TLL2: variants seen among roughly 807,000 people sequenced by gnomAD.
TLL2 encodes tolloid like 2.
TLL2 carries 106 observed loss-of-function variants against 123.0 expected under a neutral mutation model. The observed-to-expected ratio is 0.86, with a 90% CI of 0.74 to 1.01. TLL2 has a LOEUF of 1.01. TLL2 is among the 50% of genes least tolerant of loss of function. The pLI is 0.00. For synonymous variants in TLL2, 494 were observed against 516.8 expected, an observed-to-expected ratio of 0.96 and a Z score of 0.60; for missense variants, 1,332 against 1,336.7, an observed-to-expected ratio of 1.00 and a Z score of 0.06.
chr10:96,438,514 T>A (rs1846819785), intron 3 of TLL2, among the ~76,000 whole-genome samples: 2 of 152,244 alleles, frequency 1.3e-5, no homozygotes, highest in Non-Finnish European at 2.9e-5. Flanking sequence ...TTGAACTCAT[T>A]GATTGGTTCT....
rs57395382 is a variant in TLL2, at chr10:96,380,692, C to CA, written c.2195-1601dup. Among the ~76,000 whole-genome samples, 245 of 53,100 alleles carry CA rather than the reference C, an allele frequency of 4.6e-3. 12 individuals carry two copies. The highest frequency in any genetic ancestry group is 6.8e-3 in the Non-Finnish European group (206 of 30,292). The allele number at this position is 53,100 out of a possible 152,430, so 34.8% of individuals were successfully genotyped here. A position where few individuals can be genotyped will look rare whatever the true frequency, so the allele number is the denominator to read the frequency against. ...TGGGCGACAGAGCGAGACTCTATCT[C>CA]AAAAAAAAAAAAAAAAAAAAAAAAA... On this transcript the variant is annotated intron_variant, in intron 16 of 20. Transcript: ENST00000357947.
intron 2 of TLL2, among the ~76,000 whole-genome samples, chr10:96,463,231 A>C (rs1388787575): frequency 6.6e-6 from 1 of 152,198 alleles, no homozygotes; most frequent in Non-Finnish European, 1.5e-5. Flanking sequence ...TCTTACGGTC[A>C]TGTCTTCCGA....
chr10:96,393,870 C>T (rs1203608300), intron 13 of TLL2, among the ~76,000 whole-genome samples: 1 of 152,036 alleles, frequency 6.6e-6, no homozygotes, highest in Non-Finnish European at 1.5e-5. Context: ...AAATAACAGC[C>T]CCACCCCTTG....
intron 1 of TLL2, among the ~76,000 whole-genome samples, chr10:96,509,441 G>A (rs1333119998): frequency 6.6e-6 from 1 of 152,246 alleles, no homozygotes; most frequent in Non-Finnish European, 1.5e-5. Context: ...GATAATTTGG[G>A]AGGCATTCTG....
chr10:96,397,072 C>A (rs1015497492), intron 11 of TLL2, 114 bp downstream of exon 11: 3 of 915,602 alleles, frequency 3.3e-6, no homozygotes, highest in Non-Finnish European at 4.9e-6. Flanking sequence ...GTGGCTGCCC[C>A]CACCCCTGTG....
At chr10:96,412,447 C>T (rs754102520) in intron 8 of TLL2, among the ~76,000 whole-genome samples, 3 of 152,178 alleles carry the variant, frequency 2.0e-5, no homozygotes, top group Non-Finnish European at 4.4e-5. Flanking sequence ...CTAACCAGTG[C>T]TTTACATTGA....
rs745761081 is a variant in TLL2, at chr10:96,395,273, A to G, written c.1640T>C (p.Val547Ala). Residue 547 changes from valine (V) to alanine (A), a missense_variant, in exon 13 of 21, where the codon GTG becomes GCG. Coordinates refer to ENST00000357947, the MANE Select transcript of TLL2 (RefSeq NM_012465.4). ...HFCGYEKPED[V>A]KSSSNRLWMK... is the part of the protein sequence containing the mutation. ...CCACAGTCTGTTGGAGCTCGATTTCACATCCTCCGGCTTCTCATAGCCACA... is the reference window on the plus strand; with the variant it reads ...CCACAGTCTGTTGGAGCTCGATTTCGCATCCTCCGGCTTCTCATAGCCACA... 8 of 1,613,888 alleles carry G rather than the reference A, an allele frequency of 5.0e-6. No individual in the cohort carries two copies. Among genetic ancestry groups the G allele is most frequent in the Non-Finnish European group, 6.8e-6 (8 of 1,180,014 alleles).
At chr10:96,476,216 T>TTATATATA (rs1466849863) in intron 2 of TLL2, among the ~76,000 whole-genome samples, 5 of 33,330 alleles carry the variant, frequency 1.5e-4, no homozygotes, top group Admixed American at 9.6e-4. Flanking sequence ...CTTTTTAATT[T>TTATATATA]TATATGTATA....
intron 1 of TLL2, among the ~76,000 whole-genome samples, chr10:96,506,927 C>CAAAGGATGAGCAAGGTCAGGGAG (rs1847585197): frequency 6.6e-6 from 1 of 152,160 alleles, no homozygotes; most frequent in African/African-American, 2.4e-5. Flanking sequence ...ACAGAGGCAT[C>CAAAGGATGAGCAAGGTCAGGGAG]AAAGGATGAG....
At chr10:96,442,696 G>A (rs1427347738) in intron 3 of TLL2, among the ~76,000 whole-genome samples, 1 of 152,200 alleles carries the variant, frequency 6.6e-6, no homozygotes, top group East Asian at 1.9e-4. Flanking sequence ...TTGTTGCAGT[G>A]TGGGTGCTGT....
chr10:96,513,420 C>T (rs934224474), intron 1 of TLL2, 91 bp downstream of exon 1: 6 of 1,531,718 alleles, frequency 3.9e-6, no homozygotes, highest in Non-Finnish European at 4.4e-6. Flanking sequence ...AGGGGAGACC[C>T]GCCCCATAGA....
intron 2 of TLL2, 105 bp from the exon 3 acceptor site, chr10:96,446,273 A>G (rs1846896609): frequency 5.8e-6 from 6 of 1,029,450 alleles, no homozygotes; most frequent in Non-Finnish European, 8.9e-6. Context: ...GATCAGAATC[A>G]CCACGGATTC....
chr10:96,432,851 C>T lies in TLL2; in HGVS notation c.476G>A (p.Trp159Ter). The T allele has an allele frequency of 6.2e-7, 1 of 1,614,126 alleles. No individual in the cohort carries two copies. Among genetic ancestry groups the T allele is most frequent in the Non-Finnish European group, 8.5e-7 (1 of 1,180,016 alleles). ...RATTSRTERI[W>*]PGGVIPYVIG... ...GACGTAGGGGATGACTCCTCCAGGCCATATCCTCTCTGTCCTTGAGGTTGT... is the reference window on the plus strand; with the variant it reads ...GACGTAGGGGATGACTCCTCCAGGCTATATCCTCTCTGTCCTTGAGGTTGT... Residue 159 changes from tryptophan to a stop codon, truncating the protein, a stop_gained, in exon 4 of 21, where the codon TGG becomes TAG. Coordinates refer to ENST00000357947, the MANE Select transcript of TLL2 (RefSeq NM_012465.4). LOFTEE classifies it high-confidence loss of function.
chr10:96,374,948 A>G (rs1271453501), intron 18 of TLL2, among the ~76,000 whole-genome samples: 1 of 97,824 alleles, frequency 1.0e-5, no homozygotes, highest in Admixed American at 1.3e-4. Flanking sequence ...GCAGGGAGAC[A>G]GGACATTAGT....
At chr10:96,441,026 G>T (rs1420808677) in intron 3 of TLL2, among the ~76,000 whole-genome samples, 6 of 152,100 alleles carry the variant, frequency 3.9e-5, no homozygotes, top group Admixed American at 3.9e-4. Context: ...TAACACGCTG[G>T]GGGTAGGGTT....
chr10:96,483,815 A>C (rs1015101033), intron 1 of TLL2, among the ~76,000 whole-genome samples: 3 of 152,100 alleles, frequency 2.0e-5, no homozygotes, highest in African/African-American at 7.2e-5. Context: ...CCCCTCTCTC[A>C]GATGTCAGGC....
At chr10:96,489,209 T>TC (rs1488107450) in intron 1 of TLL2, among the ~76,000 whole-genome samples, 1 of 152,194 alleles carries the variant, frequency 6.6e-6, no homozygotes, top group Non-Finnish European at 1.5e-5. Context: ...GCAGCTGCTC[T>TC]CCTAGATAAC....
At chr10:96,506,396 C>A (rs947736115) in intron 1 of TLL2, among the ~76,000 whole-genome samples, 1 of 151,834 alleles carries the variant, frequency 6.6e-6, no homozygotes, top group Non-Finnish European at 1.5e-5. Context: ...TGGGGAGGGG[C>A]CAGGTGCTCA....
Position 96,419,478 on chromosome 10 carries a change from T to C in TLL2, c.923+1478A>G, listed in dbSNP as rs141865985. On this transcript the variant is annotated intron_variant, in intron 7 of 20. Transcript: ENST00000357947. ...CGGCTTCTGCCTCTCAGTTCAGTGG[T>C]CTCTTCATCACACCATGTTTCTTTT... Among the ~76,000 whole-genome samples the C allele has an allele frequency of 1.3e-4, 20 of 152,268 alleles. 2 individuals carry two copies. In the East Asian group the frequency reaches 3.9e-3, roughly 29 times the overall value.
Sources: allele counts gnomAD v4.1 joint callset (sites outside exome capture counted in the v4.1 genomes callset), GRCh38; gene constraint gnomAD v4.1.1; transcripts MANE v1.5; gene names NCBI Gene and HGNC (gene_info 2026-07-23, HGNC 2026-07-21).